The following POU6F2 variants were observed in gnomAD, a reference collection of about 807,000 sequenced individuals.
POU6F2 encodes POU domain, class 6, transcription factor 2.
In POU6F2, 31 loss-of-function variants were observed where a neutral mutation model predicts 71.3. The observed-to-expected ratio is 0.43, with a 90% CI of 0.33 to 0.59. POU6F2 has a LOEUF of 0.59. POU6F2 is among the 20% of genes least tolerant of loss of function. The pLI is 0.04. For synonymous variants in POU6F2, 347 were observed against 355.7 expected, an observed-to-expected ratio of 0.98 and a Z score of 0.27; for missense variants, 783 against 856.8, an observed-to-expected ratio of 0.91 and a Z score of 1.07.
intron 4 of POU6F2, among the ~76,000 whole-genome samples, chr7:39,259,926 C>G (rs1473757266): frequency 6.6e-6 from 1 of 151,826 alleles, no homozygotes; most frequent in Non-Finnish European, 1.5e-5. Context: ...GGGTGGGAGT[C>G]CTGTGTGTGT....
intron 2 of POU6F2, among the ~76,000 whole-genome samples, chr7:39,150,804 C>T (rs1350588846): frequency 1.3e-5 from 2 of 151,968 alleles, no homozygotes; most frequent in Non-Finnish European, 2.9e-5. Context: ...CTGGGGTTCT[C>T]TTTTCTCCAT....
chr7:39,316,100 C>T (rs987928383), intron 4 of POU6F2, among the ~76,000 whole-genome samples: 5 of 152,040 alleles, frequency 3.3e-5, no homozygotes, highest in Non-Finnish European at 7.4e-5. Context: ...ACAGTCAGAC[C>T]AGGAATAAGA....
intron 1 of POU6F2, among the ~76,000 whole-genome samples, chr7:39,074,673 T>C (rs1790960430): frequency 6.6e-6 from 1 of 152,098 alleles, no homozygotes; most frequent in Non-Finnish European, 1.5e-5. Flanking sequence ...TGGTTTCTTG[T>C]TGAATTTTTT....
intron 1 of POU6F2, among the ~76,000 whole-genome samples, chr7:39,030,543 T>TATATATATATATATATATAC (rs1491146903): frequency 1.1e-5 from 1 of 88,014 alleles, no homozygotes; most frequent in South Asian, 3.7e-4. Flanking sequence ...TATATATATA[T>TATATATATATATATATATAC]ACACACACAT....
At chr7:39,039,680 T>A (rs2128711410) in intron 1 of POU6F2, among the ~76,000 whole-genome samples, 1 of 151,556 alleles carries the variant, frequency 6.6e-6, no homozygotes, top group Admixed American at 6.6e-5. Flanking sequence ...TAGTCGCAAA[T>A]AAAACAAATG....
chr7:39,383,468 A>T (rs1420724020), intron 5 of POU6F2, among the ~76,000 whole-genome samples: 1 of 152,188 alleles, frequency 6.6e-6, no homozygotes, highest in African/African-American at 2.4e-5. Context: ...GAAAATGTTA[A>T]ATTTCCTTTA....
intron 2 of POU6F2, among the ~76,000 whole-genome samples, chr7:39,155,356 G>C (rs1007043996): frequency 6.6e-6 from 1 of 151,964 alleles, no homozygotes; most frequent in Non-Finnish European, 1.5e-5. Flanking sequence ...GGGTGAGATG[G>C]AAAGGGTATT....
At chr7:39,188,365 T>C (rs928640645) in intron 2 of POU6F2, among the ~76,000 whole-genome samples, 80 of 152,216 alleles carry the variant, frequency 5.3e-4, no homozygotes, top group African/African-American at 1.9e-3. Flanking sequence ...CAGGCTGGAG[T>C]GCAGTGGCAT....
chr7:39,185,494 C>T (rs1793514585), intron 2 of POU6F2, among the ~76,000 whole-genome samples: 2 of 152,098 alleles, frequency 1.3e-5, no homozygotes, highest in South Asian at 4.1e-4. Context: ...AAAACAAAGC[C>T]TACGTCTCAA....
At chr7:39,015,814 G>GTATATATTATATATAGA (rs1471833825) in intron 1 of POU6F2, among the ~76,000 whole-genome samples, 29 of 62,886 alleles carry the variant, frequency 4.6e-4, no homozygotes, top group East Asian at 7.5e-4. Context: ...TATTATATAG[G>GTATATATTATATATAGA]TATATATTAT....
chr7:39,017,041 A>G (rs1237031374), intron 1 of POU6F2, among the ~76,000 whole-genome samples: 1 of 152,150 alleles, frequency 6.6e-6, no homozygotes, highest in African/African-American at 2.4e-5. Flanking sequence ...ATGCTCCTGT[A>G]TGTATAAGGT....
intron 2 of POU6F2, among the ~76,000 whole-genome samples, chr7:39,183,021 C>T (rs758403694): frequency 6.6e-6 from 1 of 152,172 alleles, no homozygotes; most frequent in African/African-American, 2.4e-5. Flanking sequence ...GGGACCAGTT[C>T]ATGGCCTGTT....
At chr7:39,220,558 A>G (rs1203403006) in intron 4 of POU6F2, among the ~76,000 whole-genome samples, 1 of 152,184 alleles carries the variant, frequency 6.6e-6, no homozygotes, top group African/African-American at 2.4e-5. Flanking sequence ...TACAGAAGCT[A>G]CATGGTCAGG....
At chr7:39,035,796 C>A (rs1790048493) in intron 1 of POU6F2, among the ~76,000 whole-genome samples, 1 of 151,540 alleles carries the variant, frequency 6.6e-6, no homozygotes, top group African/African-American at 2.4e-5. Context: ...ATTTGAACTT[C>A]AAGGGTTTTA....
intron 4 of POU6F2, among the ~76,000 whole-genome samples, chr7:39,313,844 G>A (rs777593213): frequency 1.3e-5 from 2 of 152,156 alleles, no homozygotes; most frequent in Non-Finnish European, 2.9e-5. Context: ...TTATCTTAGC[G>A]TCAGAGCTAA....
chr7:39,333,303 A>G (rs1785696525), intron 4 of POU6F2, among the ~76,000 whole-genome samples: 1 of 152,220 alleles, frequency 6.6e-6, no homozygotes, highest in Non-Finnish European at 1.5e-5. Context: ...CAAAGGCGGT[A>G]GTGGTTGGTG....
intron 1 of POU6F2, among the ~76,000 whole-genome samples, chr7:39,017,581 G>A (rs1789586535): frequency 6.6e-6 from 1 of 152,110 alleles, no homozygotes; most frequent in South Asian, 2.1e-4. Flanking sequence ...ACTCCGTAGA[G>A]CTGCTTCTAA....
At chr7:39,284,160 A>T (rs540404027) in intron 4 of POU6F2, among the ~76,000 whole-genome samples, 3 of 152,336 alleles carry the variant, frequency 2.0e-5, no homozygotes, top group African/African-American at 7.2e-5. Context: ...TGATGTACAC[A>T]TGATTAAGAT....
chr7:39,413,190 A>T lies in POU6F2; in HGVS notation c.1113+6450A>T, dbSNP rs191869279. Among the ~76,000 whole-genome samples, 647 of 152,148 alleles carry T rather than the reference A, an allele frequency of 4.3e-3. 7 individuals carry two copies. Among genetic ancestry groups the T allele is most frequent in the Non-Finnish European group, 6.7e-3 (458 of 68,000 alleles). ...ATAATTAATTAATTAATTTTAAAAA[A>T]TTTTAAGAAAAAATAAGAAACAAAA... On this transcript the variant is annotated intron_variant, in intron 6 of 9. Transcript: ENST00000518318.
Sources: allele counts gnomAD v4.1 joint callset (sites outside exome capture counted in the v4.1 genomes callset), GRCh38; gene constraint gnomAD v4.1.1; transcripts MANE v1.5; gene names NCBI Gene and HGNC (gene_info 2026-07-23, HGNC 2026-07-21).